The following ATP6V0D2 variants were observed in gnomAD, a reference collection of about 807,000 sequenced individuals.
ATP6V0D2 encodes ATPase H+ transporting V0 subunit d2.
Under a neutral mutation model 40.0 loss-of-function variants are expected in ATP6V0D2, and 40 were observed. The ratio of observed to expected loss-of-function variants is 1.00; its 90% CI spans 0.78 to 1.30. ATP6V0D2 has a LOEUF of 1.30. Among genes scored for constraint, ATP6V0D2 ranks in the 50% most tolerant of loss-of-function variants. The pLI is 0.00. For missense variants in ATP6V0D2, 470 were observed against 423.1 expected, an observed-to-expected ratio of 1.11 and a Z score of -0.97; for synonymous variants, 179 against 156.3, an observed-to-expected ratio of 1.15 and a Z score of -1.08.
intron 3 of ATP6V0D2, among the ~76,000 whole-genome samples, chr8:86,139,993 G>A (rs915461853): frequency 6.6e-6 from 1 of 152,176 alleles, no homozygotes; most frequent in Admixed American, 6.5e-5. Flanking sequence ...CAAAAAAAAT[G>A]TAATTTTCTA....
At chr8:86,136,379 G>A (rs1234321916) in intron 2 of ATP6V0D2, among the ~76,000 whole-genome samples, 1 of 152,208 alleles carries the variant, frequency 6.6e-6, no homozygotes, top group Non-Finnish European at 1.5e-5. Flanking sequence ...AATTAGGAAT[G>A]TTCGCAGCTC....
intron 2 of ATP6V0D2, among the ~76,000 whole-genome samples, chr8:86,116,139 A>G (rs941307651): frequency 4.6e-5 from 7 of 152,226 alleles, no homozygotes; most frequent in African/African-American, 1.7e-4. Flanking sequence ...AAAGCATAAA[A>G]TAAAAATATC....
At chr8:86,105,372 C>T (rs2130228165) in intron 1 of ATP6V0D2, among the ~76,000 whole-genome samples, 1 of 151,924 alleles carries the variant, frequency 6.6e-6, no homozygotes, top group South Asian at 2.1e-4. Context: ...ATCTCAGTTA[C>T]TGCAACCTCT....
chr8:86,130,713 G>A (rs1818812415), intron 2 of ATP6V0D2, among the ~76,000 whole-genome samples: 1 of 152,092 alleles, frequency 6.6e-6, no homozygotes, highest in Admixed American at 6.6e-5. Context: ...CGCACCCTGA[G>A]AAGCACTCCC....
At chr8:86,107,193 T>A (rs150732016) in intron 1 of ATP6V0D2, among the ~76,000 whole-genome samples, 67 of 152,128 alleles carry the variant, frequency 4.4e-4, no homozygotes, top group African/African-American at 1.3e-3. Context: ...AATAGATTGA[T>A]AAAAGGCCAT....
At chr8:86,113,543 G>A (rs1563556797) in intron 1 of ATP6V0D2, among the ~76,000 whole-genome samples, 166 bp from the exon 2 acceptor site, 1 of 152,108 alleles carries the variant, frequency 6.6e-6, no homozygotes, top group African/African-American at 2.4e-5. Flanking sequence ...TAACATTTTT[G>A]TTGCTTTACA....
intron 5 of ATP6V0D2, among the ~76,000 whole-genome samples, chr8:86,145,359 AAGGAAGGAAGG>A (rs1241485470): frequency 9.0e-6 from 1 of 111,178 alleles, no homozygotes; most frequent in African/African-American, 3.8e-5. Flanking sequence ...AGAAGGAAGG[AAGGAAGGAAGG>A]AAGGAAAGAA....
chr8:86,146,839 C>T (rs1396160994), intron 5 of ATP6V0D2, among the ~76,000 whole-genome samples: 1 of 152,072 alleles, frequency 6.6e-6, no homozygotes, highest in Non-Finnish European at 1.5e-5. Context: ...GTAATTACCT[C>T]CCTTTTACTT....
intron 2 of ATP6V0D2, among the ~76,000 whole-genome samples, chr8:86,128,463 A>G (rs762979912): frequency 6.6e-6 from 1 of 152,240 alleles, no homozygotes; most frequent in African/African-American, 2.4e-5. Context: ...TCACCAAGTT[A>G]AATGTTCTCT....
chr8:86,138,279 C>T (rs1448028707), intron 2 of ATP6V0D2, among the ~76,000 whole-genome samples: 1 of 152,222 alleles, frequency 6.6e-6, no homozygotes, highest in Admixed American at 6.5e-5. Context: ...ACTGTCATTT[C>T]TCTAGCAAGT....
At chr8:86,123,771 A>T (rs1183522313) in intron 2 of ATP6V0D2, among the ~76,000 whole-genome samples, 3 of 152,312 alleles carry the variant, frequency 2.0e-5, no homozygotes, top group African/African-American at 7.2e-5. Context: ...AGAAGTAAAT[A>T]AATCACCCTA....
At chr8:86,119,082 C>G (rs1169071764) in intron 2 of ATP6V0D2, among the ~76,000 whole-genome samples, 2 of 152,116 alleles carry the variant, frequency 1.3e-5, no homozygotes, top group Non-Finnish European at 2.9e-5. Flanking sequence ...AGGGTTTGTA[C>G]TTTGGGATTG....
chr8:86,128,581 C>T (rs6993800), intron 2 of ATP6V0D2, among the ~76,000 whole-genome samples: 33,761 of 152,080 alleles, frequency 0.22, 4,603 homozygotes, highest in African/African-American at 0.38. Context: ...AAACAGTTGG[C>T]AAGCAATGTT....
intron 5 of ATP6V0D2, among the ~76,000 whole-genome samples, chr8:86,148,161 C>T (rs531156590): frequency 3.0e-4 from 45 of 152,306 alleles, no homozygotes; most frequent in African/African-American, 1.1e-3. Context: ...TGACAATTAC[C>T]TCCATTGTTG....
chr8:86,151,445 A>T lies in ATP6V0D2; in HGVS notation c.817-21A>T, dbSNP rs756267788. 3.2e-5 allele frequency: 48 copies of T among 1,520,786 alleles called. No individual in the cohort carries two copies. In the Middle Eastern group the frequency reaches 8.6e-4, roughly 27 times the overall value. 94.2% of individuals were successfully genotyped at this position (1,520,786 alleles called of 1,614,324 possible). A position where few individuals can be genotyped will look rare whatever the true frequency, so the allele number is the denominator to read the frequency against. Reference sequence around the variant, plus strand: ...TATAAGAAATGAAAATGTCTTTAAAATTAATGTCTTTGTTTTTAAGGTATA... The same window carrying T: ...TATAAGAAATGAAAATGTCTTTAAATTTAATGTCTTTGTTTTTAAGGTATA... On this transcript the variant is annotated intron_variant, in intron 6 of 7. Transcript: ENST00000285393.
chr8:86,104,767 G>A (rs1176400826), intron 1 of ATP6V0D2, among the ~76,000 whole-genome samples: 8 of 151,320 alleles, frequency 5.3e-5, no homozygotes, highest in Non-Finnish European at 7.4e-5. Context: ...TGCTTCCTTA[G>A]ACATTATTTG....
chr8:86,136,708 T>C (rs1308938432), intron 2 of ATP6V0D2, among the ~76,000 whole-genome samples: 2 of 152,266 alleles, frequency 1.3e-5, no homozygotes, highest in South Asian at 2.1e-4. Context: ...AGTTCCACAA[T>C]GAAGGAGACC....
At chr8:86,146,692 T>C (rs1221101927) in intron 5 of ATP6V0D2, among the ~76,000 whole-genome samples, 1 of 152,130 alleles carries the variant, frequency 6.6e-6, no homozygotes, top group East Asian at 1.9e-4. Context: ...ATCCTGTCTC[T>C]AAGAAATAAA....
intron 7 of ATP6V0D2, among the ~76,000 whole-genome samples, chr8:86,152,014 T>C (rs1022792154): frequency 1.3e-5 from 2 of 151,996 alleles, no homozygotes; most frequent in African/African-American, 4.8e-5. Flanking sequence ...CCATGGTGGG[T>C]TGCTGCACCC....
Sources: allele counts gnomAD v4.1 joint callset (sites outside exome capture counted in the v4.1 genomes callset), GRCh38; gene constraint gnomAD v4.1.1; transcripts MANE v1.5; gene names NCBI Gene and HGNC (gene_info 2026-07-23, HGNC 2026-07-21).